Variants in REDIC1 observed in about 807,000 individuals in gnomAD.
REDIC1 encodes HEI10 Interacting Protein 1.
the REDIC1 span, among the ~76,000 whole-genome samples, chr12:39,903,757 A>AT: frequency 2.0e-5 from 3 of 152,138 alleles, no homozygotes; most frequent in African/African-American, 7.2e-5. Context: ...AGCAAGCTCT[A>AT]TTCCTAGATT....
the REDIC1 span, among the ~76,000 whole-genome samples, chr12:39,663,507 AGTTGT>A: frequency 6.6e-6 from 1 of 151,992 alleles, no homozygotes; most frequent in African/African-American, 2.4e-5. Flanking sequence ...GGTAGCATAT[AGTTGT>A]GTTATGGTTT....
chr12:39,905,809 A>C, the REDIC1 span, among the ~76,000 whole-genome samples: 1 of 125,530 alleles, frequency 8.0e-6, no homozygotes, highest in African/African-American at 3.0e-5. Context: ...CTAGGCCTTT[A>C]TTAAAATGCC....
At chr12:39,669,528 C>G in the REDIC1 span, among the ~76,000 whole-genome samples, 1 of 152,192 alleles carries the variant, frequency 6.6e-6, no homozygotes, top group African/African-American at 2.4e-5. Flanking sequence ...GCAGTCTGTC[C>G]ATTCTGAGAT....
At chr12:39,742,832 A>G in the REDIC1 span, among the ~76,000 whole-genome samples, 1 of 152,212 alleles carries the variant, frequency 6.6e-6, no homozygotes, top group Admixed American at 6.5e-5. Flanking sequence ...CTGTCCCCCA[A>G]ATTGGAGAAA....
At chr12:39,875,256 T>C in the REDIC1 span, among the ~76,000 whole-genome samples, 1 of 152,194 alleles carries the variant, frequency 6.6e-6, no homozygotes, top group African/African-American at 2.4e-5. Context: ...TCCTTGTCTT[T>C]TGCAGCTTTT....
At chr12:39,646,363 T>G in the REDIC1 span, 1 of 1,413,310 alleles carries the variant, frequency 7.1e-7, no homozygotes, top group Non-Finnish European at 9.3e-7. Flanking sequence ...TGAACATGAA[T>G]AGAGACATAA....
chr12:39,900,711 A>C, the REDIC1 span, among the ~76,000 whole-genome samples: 2 of 152,180 alleles, frequency 1.3e-5, no homozygotes, highest in Non-Finnish European at 2.9e-5. Context: ...ATGGAAGAAC[A>C]TTCCATGCTC....
chr12:39,792,271 C>T, the REDIC1 span, among the ~76,000 whole-genome samples: 1 of 145,210 alleles, frequency 6.9e-6, no homozygotes, highest in Non-Finnish European at 1.5e-5. Context: ...CCATAAAAAC[C>T]CTAGAAGAAA....
At chr12:39,784,148 C>T in the REDIC1 span, among the ~76,000 whole-genome samples, 4 of 152,122 alleles carry the variant, frequency 2.6e-5, no homozygotes, top group Non-Finnish European at 4.4e-5. Context: ...GGCTATACTG[C>T]CCAAGGTAAT....
the REDIC1 span, among the ~76,000 whole-genome samples, chr12:39,732,871 ATGACAAGG>A: frequency 6.6e-6 from 1 of 152,144 alleles, no homozygotes; most frequent in Non-Finnish European, 1.5e-5. Flanking sequence ...GCTGTCTGGC[ATGACAAGG>A]TGTCTGGCAT....
At chr12:39,654,065 TG>T in the REDIC1 span, among the ~76,000 whole-genome samples, 15 of 151,796 alleles carry the variant, frequency 9.9e-5, no homozygotes, top group African/African-American at 2.4e-4. Flanking sequence ...ATTATGATGT[TG>T]TTTTTTTTAA....
At chr12:39,679,532 A>G in the REDIC1 span, among the ~76,000 whole-genome samples, 8 of 152,236 alleles carry the variant, frequency 5.3e-5, no homozygotes, top group Admixed American at 5.2e-4. Flanking sequence ...ATGATCATGG[A>G]TGTGTAGAAT....
At chr12:39,659,702 T>A in the REDIC1 span, among the ~76,000 whole-genome samples, 277 of 152,220 alleles carry the variant, frequency 1.8e-3, no homozygotes, top group African/African-American at 6.1e-3. Flanking sequence ...TTTAATGTAC[T>A]TGTCTACGAA....
At chr12:39,710,631 T>A in the REDIC1 span, among the ~76,000 whole-genome samples, 1 of 151,870 alleles carries the variant, frequency 6.6e-6, no homozygotes, top group Admixed American at 6.6e-5. Flanking sequence ...GGTTTATTCA[T>A]CATTCAAAAC....
At chr12:39,705,277 C>G in the REDIC1 span, among the ~76,000 whole-genome samples, 1 of 151,890 alleles carries the variant, frequency 6.6e-6, no homozygotes, top group Non-Finnish European at 1.5e-5. Flanking sequence ...AAATCCAAAA[C>G]CTGAACAGTC....
At chr12:39,710,378 A>G in the REDIC1 span, among the ~76,000 whole-genome samples, 2 of 151,768 alleles carry the variant, frequency 1.3e-5, no homozygotes, top group African/African-American at 4.8e-5. Flanking sequence ...TTGAAACTTG[A>G]ATCTTTTGCT....
the REDIC1 span, among the ~76,000 whole-genome samples, chr12:39,712,845 A>G: frequency 2.8e-5 from 3 of 106,406 alleles, no homozygotes; most frequent in Non-Finnish European, 4.4e-5. Flanking sequence ...ATATACACGT[A>G]TATACACATA....
chr12:39,774,584 C>CTTTTTTTTTTTTTTTTTTT, the REDIC1 span, among the ~76,000 whole-genome samples: 1 of 130,268 alleles, frequency 7.7e-6, no homozygotes, highest in Non-Finnish European at 1.7e-5. Flanking sequence ...ATTGTCCAGC[C>CTTTTTTTTTTTTTTTTTTT]TTTTTTTTTT....
the REDIC1 span, among the ~76,000 whole-genome samples, chr12:39,711,761 ATG>A: frequency 0.015 from 1,936 of 126,878 alleles, 89 homozygotes; most frequent in African/African-American, 0.047. Context: ...ATGCATGTGT[ATG>A]TGTGTGTGCA....
Sources: allele counts gnomAD v4.1 joint callset (sites outside exome capture counted in the v4.1 genomes callset), GRCh38; gene constraint gnomAD v4.1.1; transcripts MANE v1.5; gene names NCBI Gene and HGNC (gene_info 2026-07-23, HGNC 2026-07-21).